FBXL7: variants seen among roughly 807,000 people sequenced by gnomAD.
The protein encoded by FBXL7 is F-box/LRR-repeat protein 7.
Under a neutral mutation model 38.3 loss-of-function variants are expected in FBXL7, and 12 were observed. The observed-to-expected ratio is 0.31, with a 90% CI of 0.20 to 0.51. The LOEUF (loss-of-function observed/expected upper bound fraction) is 0.51, where lower values mean the gene tolerates loss of function less well. Ranked by LOEUF, FBXL7 falls within the 20% of genes least tolerant of loss-of-function variation. The pLI is 0.98. For missense variants in FBXL7, 567 were observed against 676.4 expected (o/e 0.84, Z 1.79); for synonymous variants, 297 against 300.9 (o/e 0.99, Z 0.13).
chr5:15,601,354 T>C (rs1174594585), intron 1 of FBXL7, among the ~76,000 whole-genome samples: 1 of 152,218 alleles, frequency 6.6e-6, no homozygotes, highest in Non-Finnish European at 1.5e-5. Context: ...ACAATGGAAA[T>C]TCTTGTGTTA....
intron 2 of FBXL7, among the ~76,000 whole-genome samples, chr5:15,860,847 T>A (rs541150653): frequency 6.6e-6 from 1 of 152,178 alleles, no homozygotes; most frequent in Non-Finnish European, 1.5e-5. Flanking sequence ...CTAGACCAGA[T>A]GTCTAATTAT....
chr5:15,657,520 G>A (rs940753091), intron 2 of FBXL7, among the ~76,000 whole-genome samples: 2 of 152,166 alleles, frequency 1.3e-5, no homozygotes, highest in African/African-American at 2.4e-5. Flanking sequence ...AGAACTGGCT[G>A]TACTTTTGGA....
Position 15,757,553 on chromosome 5 carries a change from A to G in FBXL7, c.127+141481A>G, listed in dbSNP as rs887245820. 6.6e-4 allele frequency among the ~76,000 whole-genome samples: 101 copies of G among 152,030 alleles called. 5 individuals are homozygous for G. Among genetic ancestry groups the G allele is most frequent in the Non-Finnish European group, 1.5e-5 (1 of 67,996 alleles). ...TATTTTCTCAGGAAAAAAAAAAAAA[A>G]AGATTTGTTTCCAGGTGCTTTCAAG... On this transcript the variant is annotated intron_variant, in intron 2 of 3. Coordinates refer to ENST00000504595, the MANE Select transcript of FBXL7 (RefSeq NM_012304.5).
intron 2 of FBXL7, among the ~76,000 whole-genome samples, chr5:15,886,210 GGTGTGT>G (rs140069204): frequency 2.0e-5 from 3 of 150,080 alleles, no homozygotes; most frequent in East Asian, 2.0e-4. Context: ...ATAATTTTGA[GGTGTGT>G]GTGTGTGTGT....
intron 1 of FBXL7, among the ~76,000 whole-genome samples, chr5:15,600,080 T>TA (rs2126492031): frequency 6.6e-6 from 1 of 152,324 alleles, no homozygotes; most frequent in South Asian, 2.1e-4. Context: ...TGCTGCCTCA[T>TA]AGGACGCATG....
At chr5:15,625,182 G>A (rs2126533118) in intron 2 of FBXL7, among the ~76,000 whole-genome samples, 1 of 152,246 alleles carries the variant, frequency 6.6e-6, no homozygotes, top group African/African-American at 2.4e-5. Context: ...AGTATTCTAA[G>A]CTGCCTTTAT....
intron 1 of FBXL7, among the ~76,000 whole-genome samples, chr5:15,574,214 C>T (rs1211198103): frequency 6.6e-6 from 1 of 152,192 alleles, no homozygotes; most frequent in Non-Finnish European, 1.5e-5. Context: ...ACTCTGCCAT[C>T]TCCAGAATGG....
At chr5:15,873,195 A>G (rs1295860804) in intron 2 of FBXL7, among the ~76,000 whole-genome samples, 1 of 151,854 alleles carries the variant, frequency 6.6e-6, no homozygotes, top group Non-Finnish European at 1.5e-5. Context: ...GCAAAAATGA[A>G]TAAGTTGTTT....
intron 1 of FBXL7, among the ~76,000 whole-genome samples, chr5:15,541,404 A>ATT (rs1737740163): frequency 7.4e-6 from 1 of 135,812 alleles, no homozygotes; most frequent in African/African-American, 2.8e-5. Flanking sequence ...ATCCATATAT[A>ATT]TGTGTATATA....
intron 2 of FBXL7, among the ~76,000 whole-genome samples, chr5:15,904,995 A>G (rs903467299): frequency 6.6e-6 from 1 of 152,192 alleles, no homozygotes; most frequent in African/African-American, 2.4e-5. Flanking sequence ...TTAAACAGGA[A>G]CTAAAAGCAA....
intron 1 of FBXL7, among the ~76,000 whole-genome samples, chr5:15,589,496 G>A (rs1364498904): frequency 6.6e-6 from 1 of 152,030 alleles, no homozygotes; most frequent in Non-Finnish European, 1.5e-5. Flanking sequence ...GGCTTCCCCG[G>A]CTATGCTTCC....
intron 2 of FBXL7, among the ~76,000 whole-genome samples, chr5:15,791,888 G>A (rs1737286750): frequency 6.6e-6 from 1 of 152,136 alleles, no homozygotes; most frequent in African/African-American, 2.4e-5. Context: ...CTGGCTGCTG[G>A]GCTCCAAACA....
chr5:15,618,855 G>C (rs1208711862), intron 2 of FBXL7, among the ~76,000 whole-genome samples: 3 of 152,096 alleles, frequency 2.0e-5, no homozygotes, highest in African/African-American at 7.2e-5. Flanking sequence ...GAAATAATTC[G>C]ACTGAGGGAC....
intron 2 of FBXL7, among the ~76,000 whole-genome samples, chr5:15,767,437 G>A (rs181465563): frequency 1.2e-4 from 19 of 152,216 alleles, no homozygotes; most frequent in Middle Eastern, 3.4e-3. Context: ...TAGTCTTTGC[G>A]GTGTGAGGAA....
intron 1 of FBXL7, among the ~76,000 whole-genome samples, chr5:15,507,503 G>T (rs1295687609): frequency 2.6e-5 from 4 of 152,110 alleles, no homozygotes; most frequent in African/African-American, 9.7e-5. Flanking sequence ...ATGCACTTTT[G>T]TCCTAAGGCC....
intron 2 of FBXL7, among the ~76,000 whole-genome samples, chr5:15,689,079 C>G (rs545562109): frequency 5.9e-5 from 9 of 152,326 alleles, no homozygotes; most frequent in African/African-American, 1.9e-4. Flanking sequence ...TCTGCTTCCC[C>G]CTGCCCTGGC....
chr5:15,718,911 C>A (rs1744118136), intron 2 of FBXL7, among the ~76,000 whole-genome samples: 1 of 152,138 alleles, frequency 6.6e-6, no homozygotes, highest in African/African-American at 2.4e-5. Flanking sequence ...CAAAGATAAG[C>A]CCAGACTTTT....
chr5:15,763,808 G>C (rs1736515522), intron 2 of FBXL7, among the ~76,000 whole-genome samples: 1 of 152,148 alleles, frequency 6.6e-6, no homozygotes, highest in Non-Finnish European at 1.5e-5. Context: ...CATACAGATA[G>C]AGCTATATGA....
At chr5:15,887,899 G>T (rs779730883) in intron 2 of FBXL7, among the ~76,000 whole-genome samples, 1 of 152,122 alleles carries the variant, frequency 6.6e-6, no homozygotes, top group Non-Finnish European at 1.5e-5. Context: ...TCTTTGCTCC[G>T]CCAGTAGCTT....
Sources: allele counts gnomAD v4.1 joint callset (sites outside exome capture counted in the v4.1 genomes callset), GRCh38; gene constraint gnomAD v4.1.1; transcripts MANE v1.5; gene names NCBI Gene and HGNC (gene_info 2026-07-23, HGNC 2026-07-21).